The following CCND2 variants were observed in gnomAD, a reference collection of about 807,000 sequenced individuals.
The protein encoded by CCND2 is cyclin D2.
CCND2 carries 6 observed loss-of-function variants against 30.2 expected under a neutral mutation model. That is an observed-to-expected ratio of 0.20 (90% CI 0.11 to 0.39). The LOEUF (loss-of-function observed/expected upper bound fraction) is 0.39, where lower values mean the gene tolerates loss of function less well. Among genes scored for constraint, CCND2 ranks in the 10% least tolerant of loss-of-function variants. The probability of loss-of-function intolerance (pLI) is 1.00; values close to 1 mark genes in which losing one functional copy is unlikely to be tolerated. For missense variants in CCND2, 235 were observed against 373.4 expected (o/e 0.63, Z 3.06); for synonymous variants, 150 against 153.1 (o/e 0.98, Z 0.15).
At chr12:4,297,269 C>A (rs1017842043) in intron 4 of CCND2, among the ~76,000 whole-genome samples, 1 of 151,946 alleles carries the variant, frequency 6.6e-6, no homozygotes, top group African/African-American at 2.4e-5. Flanking sequence ...TGCAAGTGCC[C>A]CTAGAAACAT....
rs73247745 is a variant in CCND2 at position 4,277,894 on chromosome 12, G to C, written c.412-866G>C. 2.3e-3 allele frequency among the ~76,000 whole-genome samples: 349 copies of C among 152,306 alleles called. 1 individual carries two copies. Among genetic ancestry groups the C allele is most frequent in the African/African-American group, 7.0e-3 (291 of 41,568 alleles). ...ACGATATTTTTAATGTTTTATTTTGGACCGTTTCCCTTTGAGCACAGTTTC... is the reference window on the plus strand; with the variant it reads ...ACGATATTTTTAATGTTTTATTTTGCACCGTTTCCCTTTGAGCACAGTTTC... On this transcript the variant is annotated intron_variant, in intron 2 of 4. Transcript: ENST00000261254.
Position 4,293,666 on chromosome 12 carries a change from GCAGGGAGGT to G in CCND2, c.720+4677_720+4685del, listed in dbSNP as rs1423519493. ...CTGGTTATCAATGAGCTATTAAAAA[GCAGGGAGGT>G]GGAGGCGCCGTGGAAGAAGTCTCAG... On this transcript the variant is annotated intron_variant, in intron 4 of 4. Transcript: ENST00000261254. This position sits in a 1 kb window ranked among gnomAD's most constrained non-coding sequence, Gnocchi z 4.9. 2.6e-5 allele frequency among the ~76,000 whole-genome samples: 4 copies of G among 152,182 alleles called. No individual in the cohort carries two copies. Among genetic ancestry groups the G allele is most frequent in the Non-Finnish European group, 4.4e-5 (3 of 68,034 alleles).
In CCND2 at chr12:4,299,611, C is replaced by T. The variant is rs1027072854; in HGVS notation, c.721-249C>T. Among the ~76,000 whole-genome samples the T allele has an allele frequency of 3.9e-5, 6 of 152,148 alleles. No individual in the cohort carries two copies. Among genetic ancestry groups the T allele is most frequent in the East Asian group, 3.8e-4 (2 of 5,196 alleles). On this transcript the variant is annotated intron_variant, in intron 4 of 4. Transcript: ENST00000261254. The surrounding 1 kb of genome is among the most constrained non-coding windows in gnomAD (Gnocchi z 5.2). ...ACTAAAAGGCAGGTTCTGAATAGCTCGGCCTGGGTTGACTGAGATTCTGCG... is the reference window on the plus strand; with the variant it reads ...ACTAAAAGGCAGGTTCTGAATAGCTTGGCCTGGGTTGACTGAGATTCTGCG...
At position 4,303,529 on chromosome 12, in the gene CCND2, C is replaced by T. The variant is rs1864278984; in HGVS notation, c.*3520C>T. On this transcript the variant is annotated 3_prime_UTR_variant, in exon 5 of 5. Coordinates refer to ENST00000261254, the MANE Select transcript of CCND2 (RefSeq NM_001759.4). This position sits in a 1 kb window ranked among gnomAD's most constrained non-coding sequence, Gnocchi z 4.6. Reference sequence around the variant, plus strand: ...TTTACTTCCATCTGTTTGTTTTTTTCTCCATCAGTGGGGGCCGAGTTGTTC... The same window carrying T: ...TTTACTTCCATCTGTTTGTTTTTTTTTCCATCAGTGGGGGCCGAGTTGTTC... The T allele has an allele frequency of 4.3e-6, 1 of 233,390 alleles. No homozygotes were observed. The highest frequency in any genetic ancestry group is 8.5e-6 in the Non-Finnish European group (1 of 118,034). 14.5% of individuals were successfully genotyped at this position (233,390 alleles called of 1,614,324 possible). A position where few individuals can be genotyped will look rare whatever the true frequency, so the allele number is the denominator to read the frequency against.
At chr12:4,298,699 C>G (rs964619284) in intron 4 of CCND2, among the ~76,000 whole-genome samples, 2 of 152,158 alleles carry the variant, frequency 1.3e-5, no homozygotes, top group African/African-American at 4.8e-5. Context: ...ACATATTTGC[C>G]TTATGTATGT....
At chr12:4,282,000 G>C (rs1863954344) in intron 3 of CCND2, among the ~76,000 whole-genome samples, 1 of 152,258 alleles carries the variant, frequency 6.6e-6, no homozygotes, top group Admixed American at 6.5e-5. Context: ...TAGCATTCCT[G>C]TTCCTGGAGT....
intron 1 of CCND2, 48 bp from the exon 2 acceptor site, chr12:4,275,957 C>T: frequency 8.9e-7 from 1 of 1,124,732 alleles, no homozygotes; most frequent in Non-Finnish European, 1.3e-6. Context: ...TTTGCTGATG[C>T]TATGCTCTCC....
chr12:4,295,053 C>T (rs1864149620), intron 4 of CCND2, among the ~76,000 whole-genome samples: 1 of 152,210 alleles, frequency 6.6e-6, no homozygotes, highest in African/African-American at 2.4e-5. Context: ...ATCTCCTCTG[C>T]CTTCACTTCC....
rs1293323083 is a variant in CCND2, at chr12:4,293,271, G to A, written c.720+4281G>A. Among the ~76,000 whole-genome samples, 1 of 152,176 alleles carries A rather than the reference G, an allele frequency of 6.6e-6. No individual in the cohort carries two copies. Among genetic ancestry groups the A allele is most frequent in the Non-Finnish European group, 1.5e-5 (1 of 68,040 alleles). On this transcript the variant is annotated intron_variant, in intron 4 of 4. Transcript: ENST00000261254. This position sits in a 1 kb window ranked among gnomAD's most constrained non-coding sequence, Gnocchi z 4.9. ...TTCACTAACTAAAAAATGGAATGGA[G>A]GCTCACAGGCCATAAAGGTGTTGTG...
In CCND2 at chr12:4,282,772, A is replaced by G. The variant is rs1271678079; in HGVS notation, c.571+3853A>G. Among the ~76,000 whole-genome samples the G allele has an allele frequency of 6.6e-6, 1 of 152,190 alleles. No individual in the cohort carries two copies. The highest frequency in any genetic ancestry group is 1.5e-5 in the Non-Finnish European group (1 of 68,022). On this transcript the variant is annotated intron_variant, in intron 3 of 4. Transcript: ENST00000261254. The surrounding 1 kb of genome is among the most constrained non-coding windows in gnomAD (Gnocchi z 4.3). ...TCCTCCCAGCAGGCCTTGCAGTTGC[A>G]TGGGCATTCCCTTGCCATGGCAGCC...
rs1311942540 is a variant in CCND2, at chr12:4,273,980, A to G, written c.-61A>G. ...CTCCCCTCCCCTTCCAAAAAACAAAAACAGAAAAACCTTTTTCCAGGCCGG... is the reference window on the plus strand; with the variant it reads ...CTCCCCTCCCCTTCCAAAAAACAAAGACAGAAAAACCTTTTTCCAGGCCGG... On this transcript the variant is annotated 5_prime_UTR_variant, in exon 1 of 5. Coordinates refer to ENST00000261254, the MANE Select transcript of CCND2 (RefSeq NM_001759.4). This position sits in a 1 kb window ranked among gnomAD's most constrained non-coding sequence, Gnocchi z 5.9. 6.5e-7 allele frequency: 1 copy of G among 1,536,244 alleles called. No individual in the cohort carries two copies. The highest frequency in any genetic ancestry group is 2.0e-5 in the Admixed American group (1 of 49,816).
In CCND2 at chr12:4,293,729, G is replaced by A. The variant is rs1308914295; in HGVS notation, c.720+4739G>A. On this transcript the variant is annotated intron_variant, in intron 4 of 4. Transcript: ENST00000261254. The surrounding 1 kb of genome is among the most constrained non-coding windows in gnomAD (Gnocchi z 4.9). ...CGACCACATGTGTGTGATTCATGGG[G>A]TTTAGCATTGTGTGTTTCTGCTCCG... Among the ~76,000 whole-genome samples, 1 of 152,206 alleles carries A rather than the reference G, an allele frequency of 6.6e-6. No individual in the cohort carries two copies. Among genetic ancestry groups the A allele is most frequent in the Non-Finnish European group, 1.5e-5 (1 of 68,040 alleles).
intron 4 of CCND2, among the ~76,000 whole-genome samples, chr12:4,290,945 C>T (rs3217870): frequency 0.67 from 101,698 of 152,024 alleles, 34,445 homozygotes; most frequent in African/African-American, 0.76. Flanking sequence ...CAAGTTGATA[C>T]CTCATTTCTA....
rs116108514 is a variant in CCND2 at position 4,291,409 on chromosome 12, G to A, written c.720+2419G>A. The stretch of plus-strand genomic sequence containing the variant: ...TTTACCATTTCACGAGTCACGAAGT[G>A]GTGTATTTCCTTCATTCGTTTCTGG... On this transcript the variant is annotated intron_variant, in intron 4 of 4. Coordinates refer to ENST00000261254, the MANE Select transcript of CCND2 (RefSeq NM_001759.4). 6.6e-4 allele frequency among the ~76,000 whole-genome samples: 101 copies of A among 152,178 alleles called. 1 individual carries two copies. Among genetic ancestry groups the A allele is most frequent in the African/African-American group, 1.8e-3 (73 of 41,518 alleles).
intron 4 of CCND2, among the ~76,000 whole-genome samples, chr12:4,289,685 A>G (rs1864071207): frequency 6.6e-6 from 1 of 152,216 alleles, no homozygotes; most frequent in African/African-American, 2.4e-5. Context: ...GAGAGAGACC[A>G]GGGTCAAGTG....
chr12:4,275,956 G>T, intron 1 of CCND2, 49 bp from the exon 2 acceptor site: 22 of 1,095,160 alleles, frequency 2.0e-5, no homozygotes, highest in South Asian at 8.6e-5. Flanking sequence ...TTTTGCTGAT[G>T]CTATGCTCTC....
At chr12:4,292,647 G>A (rs2120572318) in intron 4 of CCND2, among the ~76,000 whole-genome samples, 1 of 152,324 alleles carries the variant, frequency 6.6e-6, no homozygotes, top group African/African-American at 2.4e-5. Flanking sequence ...AGCTGAGTGA[G>A]GGGCCTGACA....
At chr12:4,286,819 A>G (rs146211374) in intron 3 of CCND2, among the ~76,000 whole-genome samples, 4 of 152,216 alleles carry the variant, frequency 2.6e-5, no homozygotes. Flanking sequence ...AGAGATGGGC[A>G]TGTGTGAGGT....
intron 2 of CCND2, among the ~76,000 whole-genome samples, chr12:4,277,914 A>G (rs915265425): frequency 2.6e-5 from 4 of 152,368 alleles, no homozygotes; most frequent in African/African-American, 9.6e-5. Context: ...CTTTGAGCAC[A>G]GTTTCCCGTA....
Sources: allele counts gnomAD v4.1 joint callset (sites outside exome capture counted in the v4.1 genomes callset), GRCh38; gene constraint gnomAD v4.1.1; non-coding constraint Gnocchi (gnomAD v3.1); transcripts MANE v1.5; gene names NCBI Gene and HGNC (gene_info 2026-07-23, HGNC 2026-07-21).